Variants in SIAH1 observed in about 807,000 individuals in gnomAD.
SIAH1 encodes siah E3 ubiquitin protein ligase 1.
SIAH1 carries 2 observed loss-of-function variants against 20.0 expected under a neutral mutation model. The observed-to-expected ratio is 0.10, with a 90% CI of 0.04 to 0.31. SIAH1 has a LOEUF of 0.31. SIAH1 is among the 10% of genes least tolerant of loss of function. SIAH1 has a pLI of 1.00. For synonymous variants in SIAH1, 118 were observed against 125.3 expected, an observed-to-expected ratio of 0.94 and a Z score of 0.39; for missense variants, 119 against 355.3, an observed-to-expected ratio of 0.33 and a Z score of 5.35.
At chr16:48,366,449 CTT>C (rs1055434539) in intron 1 of SIAH1, among the ~76,000 whole-genome samples, 47 of 152,304 alleles carry the variant, frequency 3.1e-4, no homozygotes, top group African/African-American at 1.1e-3. Context: ...TGTGAAAAGA[CTT>C]TGCAGGAAAA....
At chr16:48,381,481 T>C (rs1961290868) in intron 1 of SIAH1, among the ~76,000 whole-genome samples, 3 of 152,192 alleles carry the variant, frequency 2.0e-5, no homozygotes, top group South Asian at 4.1e-4. Context: ...TTATTCAGAA[T>C]TGCCAAGACT....
upstream of SIAH1, among the ~76,000 whole-genome samples, chr16:48,386,115 G>A (rs1961458710): frequency 6.6e-6 from 1 of 152,160 alleles, no homozygotes; most frequent in Non-Finnish European, 1.5e-5. Context: ...ATAATAAAAG[G>A]AAAACATCAC....
At chr16:48,377,176 C>A (rs2151052885) in intron 1 of SIAH1, among the ~76,000 whole-genome samples, 1 of 152,220 alleles carries the variant, frequency 6.6e-6, no homozygotes, top group Admixed American at 6.5e-5. Context: ...ATAATTAGTT[C>A]TCCAAAGGTT....
intron 1 of SIAH1, chr16:48,365,914 T>TAAA (rs1960818654): frequency 1.6e-6 from 2 of 1,226,730 alleles, no homozygotes; most frequent in Non-Finnish European, 2.0e-6. Flanking sequence ...GGAGAGCCAT[T>TAAA]TGGAGCCTCG....
At position 48,384,493 on chromosome 16, in the gene SIAH1, G is replaced by C. The variant is rs887775265; in HGVS notation, c.-3+711C>G. ...GCAAATGAACCCTAGGAAATGCCAGGTTTATAATAAGCTAGAGCTTCCCCG... is the reference window on the plus strand; with the variant it reads ...GCAAATGAACCCTAGGAAATGCCAGCTTTATAATAAGCTAGAGCTTCCCCG... On this transcript the variant is annotated intron_variant, in intron 1 of 1. Coordinates refer to ENST00000394725, the MANE Select transcript of SIAH1 (RefSeq NM_003031.4). 3.3e-5 allele frequency among the ~76,000 whole-genome samples: 5 copies of C among 152,204 alleles called. No homozygotes were observed. The South Asian group carries it at 1.0e-3, about 31-fold the overall frequency.
intron 1 of SIAH1, among the ~76,000 whole-genome samples, chr16:48,373,376 C>CA (rs1961030455): frequency 6.6e-6 from 1 of 152,320 alleles, no homozygotes; most frequent in South Asian, 2.1e-4. Context: ...TCTCTCCACT[C>CA]AGAGTCTTCC....
chr16:48,369,932 G>A (rs762089594), intron 1 of SIAH1, among the ~76,000 whole-genome samples: 7 of 152,332 alleles, frequency 4.6e-5, no homozygotes, highest in African/African-American at 1.7e-4. Flanking sequence ...AAAGGATTAC[G>A]TAAGTGATTA....
chr16:48,383,018 T>C (rs1597035166), intron 1 of SIAH1, among the ~76,000 whole-genome samples: 1 of 152,338 alleles, frequency 6.6e-6, no homozygotes, highest in East Asian at 1.9e-4. Context: ...TAAGAAAGAA[T>C]ATTTCTCTAC....
chr16:48,365,695 G>T, intron 1 of SIAH1: 1 of 1,421,000 alleles, frequency 7.0e-7, no homozygotes, highest in East Asian at 2.5e-5. Flanking sequence ...AAATTCGACT[G>T]CATCTCCAAA....
chr16:48,383,463 G>C (rs1961351736), intron 1 of SIAH1, among the ~76,000 whole-genome samples: 1 of 152,086 alleles, frequency 6.6e-6, no homozygotes, highest in Non-Finnish European at 1.5e-5. Context: ...AAAATTACCA[G>C]ACCATTACAT....
At chr16:48,371,497 C>A (rs960451399) in intron 1 of SIAH1, among the ~76,000 whole-genome samples, 2 of 152,198 alleles carry the variant, frequency 1.3e-5, no homozygotes, top group Non-Finnish European at 2.9e-5. Flanking sequence ...GTGATAGAAT[C>A]ACATATTCTA....
chr16:48,376,867 A>G (rs1233317844), intron 1 of SIAH1, among the ~76,000 whole-genome samples: 2 of 152,234 alleles, frequency 1.3e-5, no homozygotes, highest in East Asian at 3.8e-4. Flanking sequence ...GCCAAATTCA[A>G]AAGGGCAAAA....
rs144698087 is a variant in SIAH1 at position 48,378,918 on chromosome 16, C to T, written c.-3+6286G>A. ...TGGACACCAGGTCTCCCTTCCACCCCACTGGTCTCTTCAGCACTTTGACTC... is the reference window on the plus strand; with the variant it reads ...TGGACACCAGGTCTCCCTTCCACCCTACTGGTCTCTTCAGCACTTTGACTC... On this transcript the variant is annotated intron_variant, in intron 1 of 1. Transcript: ENST00000394725. Among the ~76,000 whole-genome samples the T allele has an allele frequency of 2.7e-3, 415 of 152,328 alleles. 1 individual carries two copies. Among genetic ancestry groups the T allele is most frequent in the African/African-American group, 9.5e-3 (397 of 41,572 alleles).
intron 1 of SIAH1, among the ~76,000 whole-genome samples, chr16:48,383,829 T>C (rs1335024390): frequency 6.6e-6 from 1 of 152,242 alleles, no homozygotes; most frequent in Non-Finnish European, 1.5e-5. Flanking sequence ...TCACAAATTC[T>C]GGTCTATGCA....
chr16:48,376,460 G>C (rs893790865), intron 1 of SIAH1, among the ~76,000 whole-genome samples: 1 of 151,914 alleles, frequency 6.6e-6, no homozygotes, highest in Non-Finnish European at 1.5e-5. Flanking sequence ...TACATATTTT[G>C]TAGACATTTT....
At position 48,360,761 on chromosome 16, in the gene SIAH1, A is replaced by G. The variant is rs1052639795; in HGVS notation, c.*819T>C. On this transcript the variant is annotated 3_prime_UTR_variant, in exon 2 of 2. Coordinates refer to ENST00000394725, the MANE Select transcript of SIAH1 (RefSeq NM_003031.4). ...TGATTTGCAGTATTTATAAAAATCA[A>G]TTTATTCTCTAACCTTTCAAAGATT... 2.6e-5 allele frequency: 4 copies of G among 152,576 alleles called. No homozygotes were observed. Among genetic ancestry groups the G allele is most frequent in the South Asian group, 2.1e-4 (1 of 4,826 alleles). The allele number at this position is 152,576 out of a possible 1,614,324, so 9.5% of individuals were successfully genotyped here.
intron 1 of SIAH1, among the ~76,000 whole-genome samples, chr16:48,369,407 G>C (rs1239800823): frequency 6.6e-6 from 1 of 152,202 alleles, no homozygotes; most frequent in African/African-American, 2.4e-5. Context: ...TACAACACTT[G>C]CTAAGTCACT....
At chr16:48,384,854 C>T (rs1961402817) in intron 1 of SIAH1, among the ~76,000 whole-genome samples, 1 of 146,392 alleles carries the variant, frequency 6.8e-6, no homozygotes, top group Non-Finnish European at 1.5e-5. Context: ...CCGGGCGCCA[C>T]CCCCGGCCGG....
intron 1 of SIAH1, among the ~76,000 whole-genome samples, chr16:48,366,887 C>T (rs189521336): frequency 6.3e-4 from 96 of 152,274 alleles, no homozygotes; most frequent in African/African-American, 2.3e-3. Context: ...TGAAAATAGA[C>T]ACAGTCAGCC....
Sources: allele counts gnomAD v4.1 joint callset (sites outside exome capture counted in the v4.1 genomes callset), GRCh38; gene constraint gnomAD v4.1.1; transcripts MANE v1.5; gene names NCBI Gene and HGNC (gene_info 2026-07-23, HGNC 2026-07-21).